RAPGEF6: variants seen among roughly 807,000 people sequenced by gnomAD.
The protein encoded by RAPGEF6 is PDZ domain containing guanine nucleotide exchange factor (GEF) 2.
In RAPGEF6, 56 loss-of-function variants were observed where a neutral mutation model predicts 171.4. That is an observed-to-expected ratio of 0.33 (90% CI 0.26 to 0.41). RAPGEF6 has a LOEUF of 0.41. RAPGEF6 is among the 10% of genes least tolerant of loss of function. RAPGEF6 has a pLI of 1.00. For synonymous variants in RAPGEF6, 692 were observed against 650.1 expected, an observed-to-expected ratio of 1.06 and a Z score of -0.98; for missense variants, 1,674 against 1,921.4, an observed-to-expected ratio of 0.87 and a Z score of 2.41.
At chr5:131,498,874 A>C (rs141358131) in intron 11 of RAPGEF6, among the ~76,000 whole-genome samples, 7 of 152,346 alleles carry the variant, frequency 4.6e-5, no homozygotes, top group African/African-American at 1.2e-4. Context: ...GCATTTCATC[A>C]TAGCAGGACC....
chr5:131,557,301 C>G (rs1213182325), intron 5 of RAPGEF6, among the ~76,000 whole-genome samples: 1 of 152,048 alleles, frequency 6.6e-6, no homozygotes, highest in Non-Finnish European at 1.5e-5. Context: ...TCTCCTACAA[C>G]TTTTTTCAGA....
chr5:131,527,782 G>A (rs1161745434), intron 6 of RAPGEF6, among the ~76,000 whole-genome samples: 5 of 151,870 alleles, frequency 3.3e-5, no homozygotes, highest in African/African-American at 1.2e-4. Flanking sequence ...TTGGGAGGCC[G>A]AGGCGGGCGG....
intron 6 of RAPGEF6, among the ~76,000 whole-genome samples, chr5:131,528,931 T>G (rs757889382): frequency 5.9e-5 from 9 of 152,130 alleles, no homozygotes; most frequent in Non-Finnish European, 1.3e-4. Flanking sequence ...GACCTGCAGC[T>G]TTAGCTGTGG....
intron 24 of RAPGEF6, chr5:131,435,748 C>T: frequency 9.4e-7 from 1 of 1,059,160 alleles, no homozygotes. Flanking sequence ...GAAATAAAGT[C>T]AACTACAGAA....
At chr5:131,510,591 G>A (rs1198958123) in intron 7 of RAPGEF6, 100 bp from the exon 8 acceptor site, 3 of 1,124,436 alleles carry the variant, frequency 2.7e-6, no homozygotes, top group Non-Finnish European at 3.8e-6. Flanking sequence ...AAATATAAAA[G>A]ACTTGGGCAA....
chr5:131,616,640 G>A (rs1765279610), intron 1 of RAPGEF6, among the ~76,000 whole-genome samples: 2 of 152,090 alleles, frequency 1.3e-5, no homozygotes, highest in East Asian at 1.9e-4. Flanking sequence ...CACATACAAC[G>A]TTTTTTCTCT....
chr5:131,617,033 T>C (rs1156341630), intron 1 of RAPGEF6, among the ~76,000 whole-genome samples: 1 of 152,250 alleles, frequency 6.6e-6, no homozygotes, highest in Non-Finnish European at 1.5e-5. Flanking sequence ...TGTCCCAGGA[T>C]AGATCCTAAG....
chr5:131,607,976 G>C (rs1191322178), intron 1 of RAPGEF6, among the ~76,000 whole-genome samples: 1 of 152,098 alleles, frequency 6.6e-6, no homozygotes, highest in East Asian at 1.9e-4. Context: ...GTGAAGTAAA[G>C]ATCCACCTGA....
chr5:131,531,955 A>AT (rs946581346), intron 6 of RAPGEF6: 12 of 260,344 alleles, frequency 4.6e-5, no homozygotes, highest in Admixed American at 1.4e-4. Context: ...AGATATTTAA[A>AT]TTAAAAAAAA....
chr5:131,480,979 T>C (rs1755438832), intron 15 of RAPGEF6, among the ~76,000 whole-genome samples: 2 of 151,970 alleles, frequency 1.3e-5, no homozygotes, highest in Admixed American at 6.6e-5. Flanking sequence ...TTGTCCAGGC[T>C]GGAGTGCAAT....
intron 6 of RAPGEF6, chr5:131,532,069 A>C (rs1025811667): frequency 9.4e-6 from 4 of 426,730 alleles, no homozygotes; most frequent in African/African-American, 8.3e-5. Context: ...AACTGGATTA[A>C]ATCAATTGCT....
intron 4 of RAPGEF6, among the ~76,000 whole-genome samples, chr5:131,572,554 G>A (rs1371985808): frequency 1.3e-5 from 2 of 152,120 alleles, no homozygotes; most frequent in Non-Finnish European, 2.9e-5. Context: ...TTCCCTTGGT[G>A]GCAGGTCAAC....
At chr5:131,461,582 C>A (rs1487110850) in intron 19 of RAPGEF6, 123 bp downstream of exon 19, 3 of 926,982 alleles carry the variant, frequency 3.2e-6, no homozygotes, top group African/African-American at 3.4e-5. Flanking sequence ...AATCTAACAA[C>A]ACTTCAATAA....
chr5:131,613,583 T>C lies in RAPGEF6; in HGVS notation c.70-8890A>G, dbSNP rs142571501. On this transcript the variant is annotated intron_variant, in intron 1 of 27. Coordinates refer to ENST00000509018, the MANE Select transcript of RAPGEF6 (RefSeq NM_016340.6). ...ACTATTTAGCTCTGCTTTTATAATA[T>C]GAAAACAGCCATGGACAACAGGTAA... is the stretch of plus-strand genomic sequence containing the variant. Among the ~76,000 whole-genome samples, 557 of 152,258 alleles carry C rather than the reference T, an allele frequency of 3.7e-3. 2 individuals are homozygous for C. The highest frequency in any genetic ancestry group is 0.013 in the African/African-American group (542 of 41,538).
intron 6 of RAPGEF6, among the ~76,000 whole-genome samples, chr5:131,541,662 T>C (rs1760163388): frequency 6.6e-6 from 1 of 152,130 alleles, no homozygotes; most frequent in Non-Finnish European, 1.5e-5. Flanking sequence ...GCCTCAAAAC[T>C]TTTAAAAATC....
At chr5:131,509,261 T>C (rs766474915) in intron 8 of RAPGEF6, among the ~76,000 whole-genome samples, 2 of 152,070 alleles carry the variant, frequency 1.3e-5, no homozygotes, top group African/African-American at 2.4e-5. Context: ...AGAGTACACA[T>C]GGTCAGGCGT....
rs189651057 is a variant in RAPGEF6, at chr5:131,608,413, C to G, written c.70-3720G>C. ...CTTCCTAAGGACAGCAGTCTCAGATCTGTTCTATTAACTCTTTTTTTGACA... is the reference window on the plus strand; with the variant it reads ...CTTCCTAAGGACAGCAGTCTCAGATGTGTTCTATTAACTCTTTTTTTGACA... On this transcript the variant is annotated intron_variant, in intron 1 of 27. Transcript: ENST00000509018. Among the ~76,000 whole-genome samples, 747 of 152,322 alleles carry G rather than the reference C, an allele frequency of 4.9e-3. 9 individuals carry two copies. Among genetic ancestry groups the G allele is most frequent in the South Asian group, 0.029 (138 of 4,826 alleles).
At chr5:131,437,301 C>T (rs1022816001) in intron 24 of RAPGEF6, among the ~76,000 whole-genome samples, 1 of 152,152 alleles carries the variant, frequency 6.6e-6, no homozygotes, top group Non-Finnish European at 1.5e-5. Flanking sequence ...CTTCTCTATT[C>T]GAGTGTTGAG....
chr5:131,476,990 T>C (rs933803413), intron 16 of RAPGEF6, among the ~76,000 whole-genome samples: 1 of 152,234 alleles, frequency 6.6e-6, no homozygotes, highest in Admixed American at 6.5e-5. Flanking sequence ...TTAAACTGTA[T>C]ATCCTGGATC....
Sources: gnomAD v4.1 joint callset for allele counts (sites outside exome capture counted in the v4.1 genomes callset) on GRCh38, gnomAD v4.1.1 for gene constraint, MANE v1.5 for transcripts, NCBI Gene and HGNC (gene_info 2026-07-23, HGNC 2026-07-21) for gene names.